The following MEI1 variants were observed in gnomAD, a reference collection of about 807,000 sequenced individuals.
MEI1 encodes meiosis inhibitor protein 1.
MEI1 carries 103 observed loss-of-function variants against 146.2 expected under a neutral mutation model. That is an observed-to-expected ratio of 0.70 (90% CI 0.60 to 0.83). MEI1 has a LOEUF of 0.83. MEI1 is among the 40% of genes least tolerant of loss of function. The pLI is 0.00. For synonymous variants in MEI1, 652 were observed against 628.2 expected (o/e 1.04, Z -0.57); for missense variants, 1,529 against 1,533.0 (o/e 1.00, Z 0.04).
chr22:41,745,178 G>T (rs912748423), intron 13 of MEI1, 114 bp downstream of exon 13: 2 of 748,780 alleles, frequency 2.7e-6, no homozygotes, highest in Non-Finnish European at 4.0e-6. Context: ...CTGCTGTATG[G>T]CAAAGAGGAC....
At chr22:41,731,186 T>C (rs2071831612) in intron 9 of MEI1, among the ~76,000 whole-genome samples, 2 of 151,352 alleles carry the variant, frequency 1.3e-5, no homozygotes, top group African/African-American at 4.9e-5. Context: ...CCCGAGTAAC[T>C]GGGATTACAG....
At chr22:41,719,234 G>T (rs1192120210) in intron 6 of MEI1, among the ~76,000 whole-genome samples, 1 of 152,048 alleles carries the variant, frequency 6.6e-6, no homozygotes, top group African/African-American at 2.4e-5. Flanking sequence ...CACCCGCCTT[G>T]GCTCCCAAAG....
rs1313045679 is a variant in MEI1 at position 41,699,725 on chromosome 22, C to T, written c.174+13C>T. On this transcript the variant is annotated intron_variant, in intron 1 of 30. Coordinates refer to ENST00000401548, the MANE Select transcript of MEI1 (RefSeq NM_152513.4). ...CCCCGGCGTGTCGGTGCGGGCGGAA[C>T]CTTTTCTTCAGAAGACCTGGGTTTG... is the stretch of plus-strand genomic sequence containing the variant. The T allele has an allele frequency of 1.9e-6, 3 of 1,546,806 alleles. No homozygotes were observed. Among genetic ancestry groups the T allele is most frequent in the Non-Finnish European group, 2.6e-6 (3 of 1,147,704 alleles).
chr22:41,756,265 G>A (rs1214396896), intron 17 of MEI1, among the ~76,000 whole-genome samples: 7 of 152,006 alleles, frequency 4.6e-5, no homozygotes, highest in Non-Finnish European at 8.8e-5. Context: ...CTCACGAATA[G>A]CTGGGACTAC....
intron 19 of MEI1, among the ~76,000 whole-genome samples, chr22:41,766,205 G>A (rs1193361941): frequency 2.8e-5 from 4 of 140,792 alleles, no homozygotes; most frequent in Non-Finnish European, 3.0e-5. Context: ...ACAGAGTTTT[G>A]CTCTGTCGCC....
At chr22:41,711,518 C>T (rs1471694668) in intron 3 of MEI1, among the ~76,000 whole-genome samples, 1 of 152,234 alleles carries the variant, frequency 6.6e-6, no homozygotes, top group Admixed American at 6.5e-5. Context: ...ATCAGCATGG[C>T]TTGCAGAACC....
chr22:41,777,841 A>C (rs1462063032), intron 21 of MEI1, among the ~76,000 whole-genome samples: 2 of 146,350 alleles, frequency 1.4e-5, no homozygotes, highest in Admixed American at 6.9e-5. Flanking sequence ...TCCTTCCTTC[A>C]TTCCTTCCCT....
intron 15 of MEI1, 33 bp from the exon 16 acceptor site, chr22:41,752,558 A>G (rs748025846): frequency 6.4e-7 from 1 of 1,569,622 alleles, no homozygotes; most frequent in Admixed American, 1.9e-5. Flanking sequence ...TCTGGTTTAA[A>G]CTGCTCTCTG....
At chr22:41,788,693 G>A (rs1395836104) in intron 26 of MEI1, among the ~76,000 whole-genome samples, 1 of 151,956 alleles carries the variant, frequency 6.6e-6, no homozygotes, top group South Asian at 2.1e-4. Context: ...TGCCCACCTC[G>A]GCCTCCCAAA....
chr22:41,724,112 C>A, intron 7 of MEI1, 39 bp downstream of exon 7: 3 of 1,609,676 alleles, frequency 1.9e-6, no homozygotes, highest in Non-Finnish European at 2.5e-6. Context: ...GGTTCAATAA[C>A]AAGGGGACCC....
chr22:41,701,795 G>C (rs2068739290), intron 1 of MEI1, among the ~76,000 whole-genome samples: 1 of 152,176 alleles, frequency 6.6e-6, no homozygotes. Flanking sequence ...ATTCAAATTA[G>C]GTTTAAGAAG....
At position 41,784,801 on chromosome 22, in the gene MEI1, T is replaced by C; in HGVS notation, c.3345+18T>C. Reference sequence around the variant, plus strand: ...TGGTGCAGGTAAGGCCCTTGCTGAGTGGGGCTTGCTTCTCCCAGGACAACA... The same window carrying C: ...TGGTGCAGGTAAGGCCCTTGCTGAGCGGGGCTTGCTTCTCCCAGGACAACA... On this transcript the variant is annotated intron_variant, in intron 26 of 30. Coordinates refer to ENST00000401548, the MANE Select transcript of MEI1 (RefSeq NM_152513.4). The C allele has an allele frequency of 6.4e-7, 1 of 1,567,420 alleles. No individual in the cohort carries two copies. The highest frequency in any genetic ancestry group is 1.2e-5 in the South Asian group (1 of 84,640).
rs1403899971 is a variant in MEI1, at chr22:41,718,282, A to G, written c.733+8A>G. ...TGCAGATTAACTGCTTGGGTAAGAC[A>G]TGAGGCTGGAGAAAAAAGGGAGAAT... On this transcript the variant is annotated splice_region_variant and intron_variant, in intron 6 of 30. Transcript: ENST00000401548. 1.2e-5 allele frequency: 20 copies of G among 1,613,006 alleles called. No homozygotes were observed. The highest frequency in any genetic ancestry group is 1.7e-5 in the Non-Finnish European group (20 of 1,179,408).
intron 7 of MEI1, among the ~76,000 whole-genome samples, chr22:41,724,488 C>T (rs1311125552): frequency 1.3e-5 from 2 of 151,704 alleles, no homozygotes; most frequent in Non-Finnish European, 2.9e-5. Flanking sequence ...CGTGGTGGCA[C>T]ACACCTGTAG....
intron 30 of MEI1, among the ~76,000 whole-genome samples, chr22:41,796,642 T>C (rs2076370026): frequency 6.6e-6 from 1 of 152,206 alleles, no homozygotes; most frequent in African/African-American, 2.4e-5. Flanking sequence ...AGGTGGAAAA[T>C]TCCATACCTG....
chr22:41,739,481 T>G (rs7285075), intron 11 of MEI1, among the ~76,000 whole-genome samples: 1 of 151,694 alleles, frequency 6.6e-6, no homozygotes. Flanking sequence ...ATTGTGAAAG[T>G]TGTTAATATT....
chr22:41,700,619 C>T (rs113636106), intron 1 of MEI1, among the ~76,000 whole-genome samples: 2,056 of 152,036 alleles, frequency 0.014, 48 homozygotes, highest in African/African-American at 0.047. Flanking sequence ...GCGTGAGCCA[C>T]GGTGCCCGAC....
Position 41,792,176 on chromosome 22 carries a change from G to A in MEI1, c.3346-1653G>A, listed in dbSNP as rs529373629. Among the ~76,000 whole-genome samples, 4 of 152,318 alleles carry A rather than the reference G, an allele frequency of 2.6e-5. No individual in the cohort carries two copies. In the South Asian group the frequency reaches 8.3e-4, roughly 32 times the overall value. ...TAAAACTATACTTTTAAAAACTGGT[G>A]TCAAGGGAGAAAAATGACAGTGAAG... On this transcript the variant is annotated intron_variant, in intron 26 of 30. Coordinates refer to ENST00000401548, the MANE Select transcript of MEI1 (RefSeq NM_152513.4).
At chr22:41,730,159 T>G (rs1273236875) in intron 8 of MEI1, among the ~76,000 whole-genome samples, 1 of 152,182 alleles carries the variant, frequency 6.6e-6, no homozygotes, top group Non-Finnish European at 1.5e-5. Context: ...GCAGGCCTAG[T>G]CATTGGCAGA....
Sources: gnomAD v4.1 joint callset for allele counts (sites outside exome capture counted in the v4.1 genomes callset) on GRCh38, gnomAD v4.1.1 for gene constraint, MANE v1.5 for transcripts, NCBI Gene and HGNC (gene_info 2026-07-23, HGNC 2026-07-21) for gene names.